Variants in TRAPPC11 observed in about 807,000 individuals in gnomAD.
TRAPPC11 encodes trafficking protein particle complex subunit 11.
A neutral mutation model predicts 151.2 loss-of-function variants in TRAPPC11; 104 were observed. The ratio of observed to expected loss-of-function variants is 0.69; its 90% CI spans 0.59 to 0.81. The LOEUF (loss-of-function observed/expected upper bound fraction) is 0.81, where lower values mean the gene tolerates loss of function less well. Among genes scored for constraint, TRAPPC11 ranks in the 30% least tolerant of loss-of-function variants. TRAPPC11 has a pLI of 0.00. For missense variants in TRAPPC11, 1,230 were observed against 1,349.6 expected (o/e 0.91, Z 1.39); for synonymous variants, 456 against 472.3 (o/e 0.97, Z 0.45).
chr4:183,703,695 A>G (rs1220829044), intron 26 of TRAPPC11, among the ~76,000 whole-genome samples: 1 of 152,184 alleles, frequency 6.6e-6, no homozygotes, highest in Non-Finnish European at 1.5e-5. Flanking sequence ...ATGAGGGCTT[A>G]GATGCTTTGC....
intron 8 of TRAPPC11, 42 bp from the exon 9 acceptor site, chr4:183,679,307 ACTTT>A (rs1735558325): frequency 1.3e-6 from 2 of 1,506,464 alleles, no homozygotes; most frequent in African/African-American, 1.4e-5. Context: ...ATGTCTTTTG[ACTTT>A]CTTTTTTTCC....
intron 9 of TRAPPC11, 63 bp from the exon 10 acceptor site, chr4:183,680,057 T>TA: frequency 7.0e-7 from 1 of 1,435,742 alleles, no homozygotes; most frequent in Non-Finnish European, 9.6e-7. Flanking sequence ...CAGGATGAAT[T>TA]ACCAGAAATA....
intron 1 of TRAPPC11, among the ~76,000 whole-genome samples, chr4:183,660,737 G>C (rs1579143535): frequency 6.6e-6 from 1 of 152,126 alleles, no homozygotes; most frequent in Non-Finnish European, 1.5e-5. Context: ...TTGTTGAGAC[G>C]GAGTCTTGCT....
chr4:183,676,952 A>T (rs1735443799), intron 7 of TRAPPC11, among the ~76,000 whole-genome samples: 1 of 151,676 alleles, frequency 6.6e-6, no homozygotes, highest in Non-Finnish European at 1.5e-5. Flanking sequence ...TTTAGTAGAG[A>T]CGGGGTTTCA....
chr4:183,704,954 A>G (rs767435630), intron 26 of TRAPPC11, 25 bp from the exon 27 acceptor site: 2 of 1,487,364 alleles, frequency 1.3e-6, no homozygotes, highest in African/African-American at 1.4e-5. Context: ...AAAAGAGTTT[A>G]AAAAGATGAC....
At chr4:183,694,132 A>G (rs1736407853) in intron 22 of TRAPPC11, 94 bp downstream of exon 22, 1 of 1,340,720 alleles carries the variant, frequency 7.5e-7, no homozygotes, top group South Asian at 1.3e-5. Context: ...GTTTTAACGC[A>G]TATTCTAGGA....
chr4:183,684,911 T>C (rs1735887420), intron 15 of TRAPPC11, 70 bp downstream of exon 15: 1 of 1,465,912 alleles, frequency 6.8e-7, no homozygotes, highest in South Asian at 1.2e-5. Flanking sequence ...CTTTTTAAAA[T>C]TTAAAGAATA....
rs111351291 is a variant in TRAPPC11 at position 183,669,181 on chromosome 4, C to G, written c.560+1064C>G. Among the ~76,000 whole-genome samples the G allele has an allele frequency of 4.9e-3, 742 of 152,304 alleles. 6 individuals carry two copies. Among genetic ancestry groups the G allele is most frequent in the African/African-American group, 0.017 (705 of 41,576 alleles). ...ACTGGAAGCAGTAAACAGTAGAATTCACACCACAGAAAATCAAGTCCATGG... is the reference window on the plus strand; with the variant it reads ...ACTGGAAGCAGTAAACAGTAGAATTGACACCACAGAAAATCAAGTCCATGG... On this transcript the variant is annotated intron_variant, in intron 5 of 29. Transcript: ENST00000334690.
chr4:183,667,300 AT>A (rs1175582438), intron 4 of TRAPPC11, among the ~76,000 whole-genome samples, 170 bp downstream of exon 4: 1 of 152,212 alleles, frequency 6.6e-6, no homozygotes, highest in East Asian at 1.9e-4. Context: ...ATTGTAAAAA[AT>A]TAAAGATAGT....
intron 15 of TRAPPC11, 46 bp from the exon 16 acceptor site, chr4:183,685,038 T>A: frequency 6.4e-7 from 1 of 1,566,510 alleles, no homozygotes; most frequent in Non-Finnish European, 8.7e-7. Flanking sequence ...GGTAGTAGAC[T>A]TAATTATAAG....
chr4:183,709,058 GTAA>G, intron 29 of TRAPPC11, among the ~76,000 whole-genome samples: 1 of 151,966 alleles, frequency 6.6e-6, no homozygotes, highest in East Asian at 1.9e-4. Flanking sequence ...TGGGCAGTGT[GTAA>G]GAGTGAATTG....
At chr4:183,712,081 A>ACTGCAGACACTTTTTCT (rs1737363738) in intron 29 of TRAPPC11, among the ~76,000 whole-genome samples, 2 of 152,156 alleles carry the variant, frequency 1.3e-5, no homozygotes, top group African/African-American at 4.8e-5. Flanking sequence ...ATTGGAGTTC[A>ACTGCAGACACTTTTTCT]CTGCAGACAC....
chr4:183,678,257 C>G (rs1214836933), intron 8 of TRAPPC11, among the ~76,000 whole-genome samples: 1 of 152,138 alleles, frequency 6.6e-6, no homozygotes, highest in African/African-American at 2.4e-5. Context: ...TTTATACCTA[C>G]TGTTTGAGCA....
intron 1 of TRAPPC11, among the ~76,000 whole-genome samples, chr4:183,663,265 C>T (rs1026873568): frequency 4.6e-5 from 7 of 151,678 alleles, no homozygotes; most frequent in Non-Finnish European, 1.0e-4. Context: ...ACAGAGTCTC[C>T]CTCTGTCATC....
In TRAPPC11 at chr4:183,712,714, A is replaced by G. The variant is rs1283964548; in HGVS notation, c.*70A>G. On this transcript the variant is annotated 3_prime_UTR_variant, in exon 30 of 30. Coordinates refer to ENST00000334690, the MANE Select transcript of TRAPPC11 (RefSeq NM_021942.6). ...GAGCTATGCAGGTGTTTCATTGTGA[A>G]CTCTAGCTTTGATCATGGTAAAAAG... is the stretch of plus-strand genomic sequence containing the variant. The G allele has an allele frequency of 1.4e-6, 2 of 1,477,720 alleles. No homozygotes were observed. Among genetic ancestry groups the G allele is most frequent in the Non-Finnish European group, 1.9e-6 (2 of 1,060,306 alleles). 91.5% of individuals were successfully genotyped at this position (1,477,720 alleles called of 1,614,324 possible). A position where few individuals can be genotyped will look rare whatever the true frequency, so the allele number is the denominator to read the frequency against.
At chr4:183,682,549 T>C (rs1735749917) in intron 10 of TRAPPC11, among the ~76,000 whole-genome samples, 183 bp from the exon 11 acceptor site, 1 of 152,218 alleles carries the variant, frequency 6.6e-6, no homozygotes. Flanking sequence ...ACTACCTAAA[T>C]ATGAAACATT....
intron 18 of TRAPPC11, among the ~76,000 whole-genome samples, chr4:183,688,729 G>C (rs1398512924): frequency 2.6e-5 from 4 of 151,492 alleles, no homozygotes; most frequent in Admixed American, 2.6e-4. Flanking sequence ...ATTTTAGTGT[G>C]TGTGCGTGTG....
rs996004472 is a variant in TRAPPC11 at position 183,712,834 on chromosome 4, A to G, written c.*190A>G. ...GGAAAATCTGTCTTATAGTTTCTCTAATAAATATCTGAAATCTCAGTACGA... is the reference window on the plus strand; with the variant it reads ...GGAAAATCTGTCTTATAGTTTCTCTGATAAATATCTGAAATCTCAGTACGA... On this transcript the variant is annotated 3_prime_UTR_variant, in exon 30 of 30. Transcript: ENST00000334690. 2.0e-6 allele frequency: 1 copy of G among 495,994 alleles called. No individual in the cohort carries two copies. The highest frequency in any genetic ancestry group is 4.3e-5 in the South Asian group (1 of 23,312). The allele number at this position is 495,994 out of a possible 1,614,324, so 30.7% of individuals were successfully genotyped here. A position where few individuals can be genotyped will look rare whatever the true frequency, so the allele number is the denominator to read the frequency against.
At chr4:183,659,930 T>C (rs1197672103) in intron 1 of TRAPPC11, among the ~76,000 whole-genome samples, 4 of 152,100 alleles carry the variant, frequency 2.6e-5, no homozygotes, top group Non-Finnish European at 5.9e-5. Context: ...TTTTGGGGTT[T>C]TTTTAGTTGC....
Sources: allele counts gnomAD v4.1 joint callset (sites outside exome capture counted in the v4.1 genomes callset), GRCh38; gene constraint gnomAD v4.1.1; transcripts MANE v1.5; gene names NCBI Gene and HGNC (gene_info 2026-07-23, HGNC 2026-07-21).